The following ANXA9 variants were observed in gnomAD, a reference collection of about 807,000 sequenced individuals.
The protein encoded by ANXA9 is annexin 31.
ANXA9 carries 47 observed loss-of-function variants against 51.8 expected under a neutral mutation model. The observed-to-expected ratio is 0.91, with a 90% CI of 0.72 to 1.16. The LOEUF is 1.16. Ranked by LOEUF, ANXA9 falls within the 50% of genes most tolerant of loss-of-function variation. ANXA9 has a pLI of 0.00. For synonymous variants in ANXA9, 154 were observed against 168.7 expected (o/e 0.91, Z 0.68); for missense variants, 361 against 424.7 (o/e 0.85, Z 1.32).
intron 12 of ANXA9, among the ~76,000 whole-genome samples, chr1:150,993,258 A>C (rs148291802): frequency 1.6e-4 from 24 of 151,768 alleles, no homozygotes; most frequent in Non-Finnish European, 3.1e-4. Context: ...CACATTACTT[A>C]GTATAATCAA....
At position 150,985,981 on chromosome 1, in the gene ANXA9, A is replaced by G. The variant is rs1461028208; in HGVS notation, c.473-355A>G. 7.9e-5 allele frequency among the ~76,000 whole-genome samples: 12 copies of G among 151,150 alleles called. 1 individual carries two copies. Among genetic ancestry groups the G allele is most frequent in the Middle Eastern group, 6.8e-3 (2 of 292 alleles). On this transcript the variant is annotated intron_variant, in intron 7 of 13. Transcript: ENST00000368947. ...TCCTTCCTCATATCCCACCTCTCAT[A>G]TCATTTTTCCTTACCTCCAATGAGG...
At chr1:150,991,154 T>TAAG (rs1432681075) in intron 12 of ANXA9, among the ~76,000 whole-genome samples, 3 of 149,090 alleles carry the variant, frequency 2.0e-5, no homozygotes, top group African/African-American at 7.4e-5. Context: ...AAAAAAAAAA[T>TAAG]AATAATAATA....
Position 150,992,379 on chromosome 1 carries a change from G to A in ANXA9, c.853-2198G>A, listed in dbSNP as rs746538216. Among the ~76,000 whole-genome samples, 37 of 152,144 alleles carry A rather than the reference G, an allele frequency of 2.4e-4. 1 individual carries two copies. Among genetic ancestry groups the A allele is most frequent in the Admixed American group, 5.2e-4 (8 of 15,280 alleles). ...AGACTGACCAACATGGTGAAACCCC[G>A]TCTCTACTAAATATACAAAATTAGC... On this transcript the variant is annotated intron_variant, in intron 12 of 13. Transcript: ENST00000368947.
chr1:150,979,961 G>A (rs1198488268), upstream of ANXA9, among the ~76,000 whole-genome samples: 2 of 152,094 alleles, frequency 1.3e-5, no homozygotes, highest in Non-Finnish European at 2.9e-5. Context: ...AGTTGCCCAA[G>A]GTCACACAGA....
rs752059226 is a variant in ANXA9, at chr1:150,988,199, TC to T, written c.793+14del. ...CTGCTCGGCCTAGGTAGGGGCCTGC[TC>T]AGGATTTGTGAAGTAAGTCTCTCTT... On this transcript the variant is annotated intron_variant, in intron 11 of 13. Coordinates refer to ENST00000368947, the MANE Select transcript of ANXA9 (RefSeq NM_003568.3). 6.2e-7 allele frequency: 1 copy of T among 1,614,220 alleles called. No individual in the cohort carries two copies. The highest frequency in any genetic ancestry group is 8.5e-7 in the Non-Finnish European group (1 of 1,180,030).
chr1:150,983,836 T>A (rs1671481902), intron 4 of ANXA9, 139 bp from the exon 5 acceptor site: 1 of 811,106 alleles, frequency 1.2e-6, no homozygotes, highest in Non-Finnish European at 2.0e-6. Flanking sequence ...TCTTTTGAGA[T>A]AAAATGGAAG....
upstream of ANXA9, among the ~76,000 whole-genome samples, chr1:150,979,784 A>C (rs1671383419): frequency 6.6e-6 from 1 of 152,156 alleles, no homozygotes; most frequent in African/African-American, 2.4e-5. Context: ...ATATAACAAT[A>C]CTTATCGTTA....
chr1:150,994,684 C>T lies in ANXA9; in HGVS notation c.960C>T (p.Leu320=). Residue 320 remains leucine, a synonymous_variant, in exon 13 of 14, where the codon CTC becomes CTT. Coordinates refer to ENST00000368947, the MANE Select transcript of ANXA9 (RefSeq NM_003568.3). ...TCAGGAAGAAATTTGGGAAGTCCCT[C>T]TACTCTTCTCTCCAGGTGAAACTTG... ...AEFRKKFGKS[L]YSSLQDAVKG... The T allele has an allele frequency of 6.2e-7, 1 of 1,614,056 alleles. No homozygotes were observed. The highest frequency in any genetic ancestry group is 8.5e-7 in the Non-Finnish European group (1 of 1,179,922).
chr1:150,987,376 TCTCTCA>T (rs746215875), intron 9 of ANXA9, among the ~76,000 whole-genome samples: 32 of 61,512 alleles, frequency 5.2e-4, no homozygotes, highest in South Asian at 3.0e-3. Flanking sequence ...TCTCTCTCTC[TCTCTCA>T]CACACACACA....
chr1:150,992,042 C>T (rs980117421), intron 12 of ANXA9, among the ~76,000 whole-genome samples: 8 of 152,180 alleles, frequency 5.3e-5, no homozygotes, highest in Non-Finnish European at 7.4e-5. Flanking sequence ...GCTGGGATTA[C>T]AGGCGTGAGC....
In ANXA9 at chr1:150,983,397, G is replaced by A. The variant is rs1444644950; in HGVS notation, c.135G>A (p.Lys45=). 3.7e-6 allele frequency: 6 copies of A among 1,613,782 alleles called. No individual in the cohort carries two copies. Among genetic ancestry groups the A allele is most frequent in the Admixed American group, 1.7e-5 (1 of 59,980 alleles). The change falls in exon 4 of 14, where the codon AAG becomes AAA. Residue 45 remains lysine, a synonymous_variant. Transcript: ENST00000368947. The stretch of plus-strand genomic sequence containing the variant: ...CCTTCTTGAACTTCAGCGTGGACAA[G>A]GATGCGCAGAGGCTACTGAGGGCCA... The part of the protein sequence containing the change: ...LRTFLNFSVD[K]DAQRLLRAIT...
chr1:150,986,277 G>T (rs1331241150), intron 7 of ANXA9, 59 bp from the exon 8 acceptor site: 7 of 1,513,566 alleles, frequency 4.6e-6, no homozygotes, highest in Non-Finnish European at 5.5e-6. Flanking sequence ...GGCAGGTCCT[G>T]GGGATATCTA....
rs1671827835 is a variant in ANXA9, at chr1:150,995,453, G to A, written c.*131G>A. On this transcript the variant is annotated 3_prime_UTR_variant, in exon 14 of 14. Transcript: ENST00000368947. ...GCACCACATTCTCTAGCTTCTTGTT[G>A]AGGCTGGAACTGTTTCTTTAAAATC... 5.0e-6 allele frequency: 4 copies of A among 800,034 alleles called. No homozygotes were observed. The highest frequency in any genetic ancestry group is 5.8e-6 in the Non-Finnish European group (3 of 515,184). 49.6% of individuals were successfully genotyped at this position (800,034 alleles called of 1,614,324 possible).
intron 12 of ANXA9, among the ~76,000 whole-genome samples, chr1:150,991,296 G>A (rs1349070079): frequency 6.6e-6 from 1 of 150,936 alleles, no homozygotes; most frequent in African/African-American, 2.4e-5. Flanking sequence ...GAGTGCAGTG[G>A]CGCGATCTCG....
chr1:150,986,301 C>T (rs1350725446), intron 7 of ANXA9, 35 bp from the exon 8 acceptor site: 1 of 1,598,040 alleles, frequency 6.3e-7, no homozygotes, highest in African/African-American at 1.3e-5. Context: ...TAGGAAAACT[C>T]AGGAGGATTC....
rs1300613154 is a variant in ANXA9, at chr1:150,987,892, A to C, written c.633A>C (p.Gly211=). Residue 211 remains glycine, a synonymous_variant, in exon 10 of 14, where the codon GGA becomes GGC. Coordinates refer to ENST00000368947, the MANE Select transcript of ANXA9 (RefSeq NM_003568.3). ...CCTAGGCACTGCAGCGGGCAGAAGG[A>C]CCTAGCAGAGAGGAAACATGGGTCC... ...QDVQALQRAE[G]PSREETWVPV... 1 of 1,614,052 alleles carries C rather than the reference A, an allele frequency of 6.2e-7. No homozygotes were observed. Among genetic ancestry groups the C allele is most frequent in the Non-Finnish European group, 8.5e-7 (1 of 1,179,990 alleles).
intron 12 of ANXA9, among the ~76,000 whole-genome samples, chr1:150,990,360 T>A (rs1207919768): frequency 1.6e-5 from 2 of 124,056 alleles, no homozygotes; most frequent in African/African-American, 6.3e-5. Context: ...AGGCCCATTT[T>A]TCTGAAAAAA....
chr1:150,992,249 C>T (rs944662378), intron 12 of ANXA9, among the ~76,000 whole-genome samples: 24 of 152,080 alleles, frequency 1.6e-4, no homozygotes, highest in African/African-American at 3.9e-4. Context: ...GCCAGGTATA[C>T]GATTAAGTAT....
rs1671561426 is a variant in ANXA9, at chr1:150,986,496, T to C, written c.552+81T>C. 5 of 1,568,360 alleles carry C rather than the reference T, an allele frequency of 3.2e-6. No homozygotes were observed. In the African/African-American group the frequency reaches 5.4e-5, roughly 17 times the overall value. On this transcript the variant is annotated intron_variant, in intron 8 of 13. Transcript: ENST00000368947. ...GCTGGAGCAGGGAGCATTGCTGTCC[T>C]GTAATGGACAAGAGAGGGCTTTAGG...
Sources: allele counts gnomAD v4.1 joint callset (sites outside exome capture counted in the v4.1 genomes callset), GRCh38; gene constraint gnomAD v4.1.1; transcripts MANE v1.5; gene names NCBI Gene and HGNC (gene_info 2026-07-23, HGNC 2026-07-21).